MACROD2: variants seen among roughly 807,000 people sequenced by gnomAD.
MACROD2 encodes the protein mono-ADP ribosylhydrolase 2, also known as ADP-ribose glycohydrolase MACROD2.
In MACROD2, 36 loss-of-function variants were observed where a neutral mutation model predicts 70.4. The ratio of observed to expected loss-of-function variants is 0.51; its 90% CI spans 0.39 to 0.68. The LOEUF (loss-of-function observed/expected upper bound fraction) is 0.68, where lower values mean the gene tolerates loss of function less well. Ranked by LOEUF, MACROD2 falls within the 30% of genes least tolerant of loss-of-function variation. The pLI, the probability that MACROD2 is intolerant of heterozygous loss-of-function variation, is 0.00. For missense variants in MACROD2, 496 were observed against 538.4 expected (o/e 0.92, Z 0.78); for synonymous variants, 172 against 178.8 (o/e 0.96, Z 0.30).
chr20:15,463,134 A>G (rs1278685777), intron 7 of MACROD2, among the ~76,000 whole-genome samples: 1 of 152,172 alleles, frequency 6.6e-6, no homozygotes, highest in Non-Finnish European at 1.5e-5. Context: ...CCCCTGGGAG[A>G]TCATGGTTAA....
chr20:14,995,591 C>T (rs549421612), intron 5 of MACROD2, among the ~76,000 whole-genome samples: 1 of 151,952 alleles, frequency 6.6e-6, no homozygotes, highest in East Asian at 1.9e-4. Flanking sequence ...TTTCAAGGGG[C>T]TAAATTTATA....
At chr20:16,041,138 G>A (rs1358074336) in intron 15 of MACROD2, 63 bp from the exon 16 acceptor site, 11 of 1,365,170 alleles carry the variant, frequency 8.1e-6, no homozygotes, top group Non-Finnish European at 1.1e-5. Context: ...TGACAGAAAT[G>A]ATTGGCCCTC....
At chr20:14,196,174 T>C (rs187669248) in intron 3 of MACROD2, among the ~76,000 whole-genome samples, 5 of 152,226 alleles carry the variant, frequency 3.3e-5, no homozygotes, top group African/African-American at 7.2e-5. Context: ...CAAGGGAGTT[T>C]TTCCTGTTTC....
At chr20:15,014,826 G>A (rs572227903) in intron 5 of MACROD2, among the ~76,000 whole-genome samples, 7 of 152,096 alleles carry the variant, frequency 4.6e-5, no homozygotes, top group Admixed American at 1.3e-4. Flanking sequence ...TAATTCTATC[G>A]TTAAGACCTA....
chr20:15,846,690 G>A lies in MACROD2; in HGVS notation c.646-16055G>A, dbSNP rs537539804. 1.2e-4 allele frequency among the ~76,000 whole-genome samples: 18 copies of A among 152,010 alleles called. No homozygotes were observed. In the East Asian group the frequency reaches 1.7e-3, roughly 15 times the overall value. On this transcript the variant is annotated intron_variant, in intron 8 of 17. Transcript: ENST00000684519. ...GCCATGGCTCATGCAGTCTAGAGCC[G>A]TCCTGTTAACCAACTCACACCCACT...
chr20:14,239,127 G>A (rs1232543839), intron 3 of MACROD2, among the ~76,000 whole-genome samples: 1 of 151,250 alleles, frequency 6.6e-6, no homozygotes, highest in Admixed American at 6.6e-5. Context: ...ATTCTCAATA[G>A]GCAAAAGAGA....
intron 3 of MACROD2, among the ~76,000 whole-genome samples, chr20:14,233,616 G>A (rs903192838): frequency 3.4e-5 from 5 of 146,062 alleles, no homozygotes; most frequent in Admixed American, 7.1e-5. Flanking sequence ...AGAATGGCCT[G>A]AACCCGGGAG....
rs1208674408 is a variant in MACROD2, at chr20:15,196,847, C to G, written c.419-33093C>G. The stretch of plus-strand genomic sequence containing the variant: ...TTGAAGTGCCTGAGTCTTATCCATA[C>G]CAGATATGCCACTATCGAGAAGCAG... On this transcript the variant is annotated intron_variant, in intron 5 of 17. Transcript: ENST00000684519. 5 of 985,074 alleles carry G rather than the reference C, an allele frequency of 5.1e-6. No individual in the cohort carries two copies. The African/African-American group carries it at 7.0e-5, about 14-fold the overall frequency. 61.0% of individuals were successfully genotyped at this position (985,074 alleles called of 1,614,324 possible).
intron 4 of MACROD2, among the ~76,000 whole-genome samples, chr20:14,607,098 AC>A (rs1982855549): frequency 1.3e-5 from 2 of 152,104 alleles, no homozygotes; most frequent in Admixed American, 1.3e-4. Context: ...GTTTTGGTAA[AC>A]TGAATTTCGT....
intron 4 of MACROD2, among the ~76,000 whole-genome samples, chr20:14,612,731 A>C (rs956073857): frequency 2.0e-5 from 3 of 152,082 alleles, no homozygotes; most frequent in Non-Finnish European, 4.4e-5. Flanking sequence ...AGGATCTATA[A>C]AGTTCTTAAA....
chr20:14,748,466 G>A (rs1420015606), intron 5 of MACROD2, among the ~76,000 whole-genome samples: 1 of 152,002 alleles, frequency 6.6e-6, no homozygotes, highest in Non-Finnish European at 1.5e-5. Flanking sequence ...TATTTGTCAC[G>A]AACTATCAAG....
chr20:14,013,573 G>A (rs1325677687), intron 2 of MACROD2, among the ~76,000 whole-genome samples: 1 of 151,490 alleles, frequency 6.6e-6, no homozygotes, highest in South Asian at 2.1e-4. Context: ...TGCCCAGCTG[G>A]CTCAACTGTA....
chr20:15,392,534 T>C (rs1014141852), intron 6 of MACROD2, among the ~76,000 whole-genome samples: 14 of 152,194 alleles, frequency 9.2e-5, no homozygotes, highest in Non-Finnish European at 1.6e-4. Flanking sequence ...TTTTACCTAA[T>C]AGCATCTCTC....
At chr20:16,042,289 T>C (rs1034445636) in intron 16 of MACROD2, among the ~76,000 whole-genome samples, 1 of 152,030 alleles carries the variant, frequency 6.6e-6, no homozygotes, top group African/African-American at 2.4e-5. Context: ...ACCCATCCCT[T>C]AAGAGCCACT....
intron 3 of MACROD2, among the ~76,000 whole-genome samples, chr20:14,294,014 C>T (rs566659455): frequency 2.6e-5 from 4 of 151,652 alleles, no homozygotes; most frequent in East Asian, 3.9e-4. Flanking sequence ...AGTCCCAAAT[C>T]GGGACACATC....
At chr20:16,025,182 C>A (rs1323427356) in intron 15 of MACROD2, among the ~76,000 whole-genome samples, 1 of 152,104 alleles carries the variant, frequency 6.6e-6, no homozygotes, top group East Asian at 1.9e-4. Context: ...TCTCCTGGAA[C>A]AAGAGGTTAA....
chr20:14,053,642 C>G (rs973264945), intron 2 of MACROD2: 9 of 152,120 alleles, frequency 5.9e-5, no homozygotes, highest in African/African-American at 1.7e-4. Context: ...TCAAAACCAA[C>G]TATTGTGGGT....
chr20:15,890,893 G>T (rs897234587), intron 10 of MACROD2, among the ~76,000 whole-genome samples: 32 of 152,142 alleles, frequency 2.1e-4, no homozygotes, highest in Admixed American at 7.2e-4. Flanking sequence ...TAAAGAAAGG[G>T]CTGGGGAAGT....
intron 4 of MACROD2, among the ~76,000 whole-genome samples, chr20:14,636,828 C>T (rs1030052656): frequency 3.3e-5 from 5 of 152,076 alleles, no homozygotes; most frequent in African/African-American, 7.2e-5. Flanking sequence ...AGCTCCTGCT[C>T]TATTTGGGGA....
Sources: allele counts gnomAD v4.1 joint callset (sites outside exome capture counted in the v4.1 genomes callset), GRCh38; gene constraint gnomAD v4.1.1; transcripts MANE v1.5; gene names NCBI Gene and HGNC (gene_info 2026-07-23, HGNC 2026-07-21).